The following SGCZ variants were observed in gnomAD, a reference collection of about 807,000 sequenced individuals.
The protein encoded by SGCZ is sarcoglycan zeta.
In SGCZ, 40 loss-of-function variants were observed where a neutral mutation model predicts 41.3. That is an observed-to-expected ratio of 0.97 (90% CI 0.75 to 1.26). The LOEUF (loss-of-function observed/expected upper bound fraction) is 1.26. Among genes scored for constraint, SGCZ ranks in the 50% most tolerant of loss-of-function variants. The pLI is 0.00. For missense variants in SGCZ, 552 were observed against 369.8 expected (o/e 1.49, Z -4.04); for synonymous variants, 206 against 137.5 (o/e 1.50, Z -3.49).
At chr8:14,597,035 C>T (rs986305872) in intron 1 of SGCZ, among the ~76,000 whole-genome samples, 6 of 152,228 alleles carry the variant, frequency 3.9e-5, no homozygotes, top group East Asian at 1.9e-4. Flanking sequence ...TTCCTCAAAA[C>T]GCCTGAGGTA....
At chr8:14,277,370 T>C (rs1369194289) in intron 3 of SGCZ, among the ~76,000 whole-genome samples, 1 of 152,170 alleles carries the variant, frequency 6.6e-6, no homozygotes, top group African/African-American at 2.4e-5. Context: ...TCTGGTGAAC[T>C]TCAAATGCCA....
rs187397539 is a variant in SGCZ at position 14,260,889 on chromosome 8, T to G, written c.337-23210A>C. The stretch of plus-strand genomic sequence containing the variant: ...GCATATTCTCACTCACAGGTGGGAA[T>G]TGAACAATGAGATCACATGGACACA... On this transcript the variant is annotated intron_variant, in intron 3 of 7. Coordinates refer to ENST00000382080, the MANE Select transcript of SGCZ (RefSeq NM_139167.4). Among the ~76,000 whole-genome samples, 754 of 152,120 alleles carry G rather than the reference T, an allele frequency of 5.0e-3. 6 individuals carry two copies. Among genetic ancestry groups the G allele is most frequent in the South Asian group, 0.02 (95 of 4,812 alleles).
At chr8:15,021,731 C>A (rs1803256094) in intron 1 of SGCZ, among the ~76,000 whole-genome samples, 1 of 152,114 alleles carries the variant, frequency 6.6e-6, no homozygotes, top group African/African-American at 2.4e-5. Flanking sequence ...ATCTTGAGGC[C>A]CTTCTTTCAC....
chr8:14,982,707 T>C (rs1801708055), intron 1 of SGCZ, among the ~76,000 whole-genome samples: 1 of 152,196 alleles, frequency 6.6e-6, no homozygotes, highest in Non-Finnish European at 1.5e-5. Flanking sequence ...TATATCACCT[T>C]TTCCATTGCT....
intron 1 of SGCZ, among the ~76,000 whole-genome samples, chr8:14,909,981 T>C (rs935089036): frequency 7.2e-5 from 11 of 152,200 alleles, no homozygotes; most frequent in African/African-American, 2.6e-4. Context: ...AACTTTTCAG[T>C]TAATCTCTCC....
At chr8:14,916,601 C>T (rs1440828118) in intron 1 of SGCZ, among the ~76,000 whole-genome samples, 1 of 152,126 alleles carries the variant, frequency 6.6e-6, no homozygotes, top group African/African-American at 2.4e-5. Context: ...ACAAACTTGC[C>T]TTTAAAGGCA....
chr8:15,149,268 C>G (rs1395167240), intron 1 of SGCZ, among the ~76,000 whole-genome samples: 1 of 152,072 alleles, frequency 6.6e-6, no homozygotes, highest in South Asian at 2.1e-4. Flanking sequence ...AGGGACAGGG[C>G]TGAAATTTGA....
intron 1 of SGCZ, among the ~76,000 whole-genome samples, chr8:14,709,359 A>T (rs1809440892): frequency 6.6e-6 from 1 of 152,198 alleles, no homozygotes; most frequent in South Asian, 2.1e-4. Context: ...CTTCAGCTTA[A>T]ATAATACATT....
At chr8:14,791,402 AAGTGGTCAGC>A (rs1247761320) in intron 1 of SGCZ, among the ~76,000 whole-genome samples, 2 of 152,118 alleles carry the variant, frequency 1.3e-5, no homozygotes, top group African/African-American at 4.8e-5. Flanking sequence ...CCTGAGAAGC[AAGTGGTCAGC>A]AGCTAACTGG....
intron 1 of SGCZ, among the ~76,000 whole-genome samples, chr8:15,044,463 C>T (rs1196440898): frequency 6.6e-6 from 1 of 151,870 alleles, no homozygotes; most frequent in Non-Finnish European, 1.5e-5. Context: ...ATTTCACTTA[C>T]GAATAGATGA....
intron 1 of SGCZ, among the ~76,000 whole-genome samples, chr8:15,078,398 T>A (rs1805622014): frequency 1.3e-5 from 2 of 151,904 alleles, no homozygotes; most frequent in African/African-American, 4.8e-5. Context: ...ATTCTTTGAA[T>A]GTACTCTCTA....
At chr8:14,860,708 G>GAGAAAAAAAGAAAGAAAGAAAGAA (rs1803710954) in intron 1 of SGCZ, among the ~76,000 whole-genome samples, 1 of 132,660 alleles carries the variant, frequency 7.5e-6, no homozygotes, top group Admixed American at 7.9e-5. Flanking sequence ...AAGAAAGAAA[G>GAGAAAAAAAGAAAGAAAGAAAGAA]AGAAAGAAAG....
intron 4 of SGCZ, among the ~76,000 whole-genome samples, chr8:14,227,093 T>G (rs1396409743): frequency 6.6e-6 from 1 of 151,972 alleles, no homozygotes; most frequent in Non-Finnish European, 1.5e-5. Context: ...GTGAGAAGAA[T>G]AAGGAGGTGG....
chr8:15,077,473 T>C (rs950530734), intron 1 of SGCZ, among the ~76,000 whole-genome samples: 3 of 152,222 alleles, frequency 2.0e-5, no homozygotes, highest in Non-Finnish European at 4.4e-5. Context: ...TTTTAGCATA[T>C]GTAAAATTTA....
At chr8:14,508,068 G>A (rs1802361328) in intron 2 of SGCZ, among the ~76,000 whole-genome samples, 1 of 147,702 alleles carries the variant, frequency 6.8e-6, no homozygotes, top group African/African-American at 2.5e-5. Flanking sequence ...ACTGCATGCA[G>A]CTCACATTAC....
chr8:14,116,723 G>C (rs745959828), intron 5 of SGCZ, among the ~76,000 whole-genome samples: 11 of 151,930 alleles, frequency 7.2e-5, no homozygotes, highest in Non-Finnish European at 1.5e-4. Flanking sequence ...TATACCGATA[G>C]GTAAATTTTA....
intron 1 of SGCZ, among the ~76,000 whole-genome samples, chr8:15,149,861 T>G (rs2117015396): frequency 6.6e-6 from 1 of 152,336 alleles, no homozygotes; most frequent in South Asian, 2.1e-4. Context: ...GAGGATATTC[T>G]GTTGATAATA....
chr8:15,113,625 G>C (rs1435342219), intron 1 of SGCZ, among the ~76,000 whole-genome samples: 1 of 152,070 alleles, frequency 6.6e-6, no homozygotes, highest in African/African-American at 2.4e-5. Flanking sequence ...TGAGGTATAA[G>C]GGGGGCCTCC....
chr8:14,593,568 T>C (rs1805308595), intron 1 of SGCZ, among the ~76,000 whole-genome samples: 1 of 152,208 alleles, frequency 6.6e-6, no homozygotes, highest in African/African-American at 2.4e-5. Flanking sequence ...GTATTAATTT[T>C]CAGTTTGGAA....
Sources: gnomAD v4.1 joint callset for allele counts (sites outside exome capture counted in the v4.1 genomes callset) on GRCh38, gnomAD v4.1.1 for gene constraint, MANE v1.5 for transcripts, NCBI Gene and HGNC (gene_info 2026-07-23, HGNC 2026-07-21) for gene names.